The following PIK3CB variants were observed in gnomAD, a reference collection of about 807,000 sequenced individuals.
The protein encoded by PIK3CB is phosphatidylinositol-4,5-bisphosphate 3-kinase catalytic subunit beta, also known as phosphatidylinositol 4,5-bisphosphate 3-kinase catalytic subunit beta isoform.
Under a neutral mutation model 136.8 loss-of-function variants are expected in PIK3CB, and 39 were observed. That is an observed-to-expected ratio of 0.29 (90% CI 0.22 to 0.37). PIK3CB has a LOEUF of 0.37. Ranked by LOEUF, PIK3CB falls within the 10% of genes least tolerant of loss-of-function variation. The pLI is 1.00. For synonymous variants in PIK3CB, 428 were observed against 436.6 expected (o/e 0.98, Z 0.25); for missense variants, 868 against 1,275.4 (o/e 0.68, Z 4.87).
At chr3:138,803,778 A>G (rs2046201776) in intron 1 of PIK3CB, among the ~76,000 whole-genome samples, 1 of 152,112 alleles carries the variant, frequency 6.6e-6, no homozygotes, top group Admixed American at 6.6e-5. Flanking sequence ...CCATTCTCAA[A>G]CACAACATGA....
At chr3:138,759,693 T>C (rs2045635045) in intron 2 of PIK3CB, among the ~76,000 whole-genome samples, 2 of 152,046 alleles carry the variant, frequency 1.3e-5, no homozygotes, top group Non-Finnish European at 2.9e-5. Context: ...TTGATTCAAA[T>C]TCAACATAGA....
intron 8 of PIK3CB, among the ~76,000 whole-genome samples, chr3:138,728,908 G>A (rs1336537595): frequency 1.3e-5 from 2 of 152,038 alleles, no homozygotes; most frequent in Non-Finnish European, 2.9e-5. Context: ...TCTTGAATAA[G>A]GGGCATCTAT....
At chr3:138,755,619 A>T in intron 4 of PIK3CB, 135 bp downstream of exon 4, 1 of 518,702 alleles carries the variant, frequency 1.9e-6, no homozygotes, top group South Asian at 3.2e-5. Flanking sequence ...CCTTATCTCA[A>T]ACTGGCAACA....
intron 3 of PIK3CB, 31 bp downstream of exon 3, chr3:138,759,142 A>G (rs2045625650): frequency 1.4e-6 from 2 of 1,435,394 alleles, no homozygotes; most frequent in African/African-American, 2.8e-5. Flanking sequence ...ACAGTATGCT[A>G]AACACATAGA....
At chr3:138,790,573 A>G (rs1239596534) in intron 2 of PIK3CB, among the ~76,000 whole-genome samples, 1 of 150,954 alleles carries the variant, frequency 6.6e-6, no homozygotes, top group Non-Finnish European at 1.5e-5. Context: ...GGGAGGCCGA[A>G]GCGGGCAGAT....
chr3:138,714,461 T>A lies in PIK3CB; in HGVS notation c.1302+7A>T. 6.3e-7 allele frequency: 1 copy of A among 1,588,764 alleles called. No individual in the cohort carries two copies. Among genetic ancestry groups the A allele is most frequent in the Middle Eastern group, 1.7e-4 (1 of 5,848 alleles). On this transcript the variant is annotated splice_region_variant and intron_variant, in intron 9 of 23. Transcript: ENST00000674063. ...AAAACAATCCTCAGAAGTTGGTATA[T>A]CATTACCACTTTTCCAGCTTTCCTG...
intron 2 of PIK3CB, among the ~76,000 whole-genome samples, chr3:138,781,408 G>A (rs2045921790): frequency 6.6e-6 from 1 of 151,964 alleles, no homozygotes; most frequent in South Asian, 2.1e-4. Flanking sequence ...GAGCCCAGGA[G>A]TTTGAAGCCA....
In PIK3CB at chr3:138,701,708, C is replaced by A. The variant is rs765284532; in HGVS notation, c.1582-2613G>T. Among the ~76,000 whole-genome samples, 42 of 150,752 alleles carry A rather than the reference C, an allele frequency of 2.8e-4. No individual in the cohort carries two copies. In the South Asian group the frequency reaches 3.4e-3, roughly 12 times the overall value. The stretch of plus-strand genomic sequence containing the variant: ...GCTGAGGCAGGGGAATCGCTTGAAC[C>A]CGGGGTGGCAGAGACTGCAGTGAGC... On this transcript the variant is annotated intron_variant, in intron 12 of 23. Coordinates refer to ENST00000674063, the MANE Select transcript of PIK3CB (RefSeq NM_006219.3).
At chr3:138,729,471 C>T (rs966385677) in intron 8 of PIK3CB, among the ~76,000 whole-genome samples, 1 of 152,034 alleles carries the variant, frequency 6.6e-6, no homozygotes, top group African/African-American at 2.4e-5. Flanking sequence ...AGCAGATTGC[C>T]CTCCCTGATG....
chr3:138,669,405 T>A (rs361093), intron 19 of PIK3CB, among the ~76,000 whole-genome samples: 1 of 117,416 alleles, frequency 8.5e-6, no homozygotes, highest in Non-Finnish European at 1.7e-5. Context: ...GAGACCCTGT[T>A]TCAAAAAAAA....
chr3:138,793,605 C>CAA (rs764415808), intron 2 of PIK3CB, among the ~76,000 whole-genome samples: 6 of 95,384 alleles, frequency 6.3e-5, no homozygotes, highest in African/African-American at 1.5e-4. Flanking sequence ...GACTCTGGCT[C>CAA]AAAAAAAAAA....
chr3:138,809,815 A>G (rs1437328004), intron 1 of PIK3CB, among the ~76,000 whole-genome samples: 1 of 152,148 alleles, frequency 6.6e-6, no homozygotes, highest in Non-Finnish European at 1.5e-5. Flanking sequence ...TCCTTGTTCT[A>G]TCAGCTGAGA....
chr3:138,679,068 AAAAC>A (rs370325560), intron 19 of PIK3CB, among the ~76,000 whole-genome samples: 7 of 152,174 alleles, frequency 4.6e-5, no homozygotes, highest in East Asian at 1.9e-4. Context: ...TCTGACTCAA[AAAAC>A]AAACAAACAA....
intron 8 of PIK3CB, among the ~76,000 whole-genome samples, chr3:138,729,407 A>G (rs757496729): frequency 8.5e-5 from 13 of 152,174 alleles, no homozygotes; most frequent in Non-Finnish European, 1.6e-4. Flanking sequence ...TTGGTCAAAC[A>G]TTATTCTGGG....
rs767613338 is a variant in PIK3CB at position 138,655,387 on chromosome 3, C to G, written c.*2G>C. The G allele has an allele frequency of 2.3e-5, 37 of 1,613,630 alleles. No individual in the cohort carries two copies. Among genetic ancestry groups the G allele is most frequent in the Admixed American group, 1.7e-5 (1 of 59,942 alleles). Reference sequence around the variant, plus strand: ...AAATACATTAGGAGCGAAGGCTGATCGTTAAGATCTGTAGTCTTTCCGAAC... The same window carrying G: ...AAATACATTAGGAGCGAAGGCTGATGGTTAAGATCTGTAGTCTTTCCGAAC... On this transcript the variant is annotated 3_prime_UTR_variant, in exon 24 of 24. Coordinates refer to ENST00000674063, the MANE Select transcript of PIK3CB (RefSeq NM_006219.3).
At chr3:138,674,052 G>A (rs1373910915) in intron 19 of PIK3CB, among the ~76,000 whole-genome samples, 1 of 151,950 alleles carries the variant, frequency 6.6e-6, no homozygotes, top group Non-Finnish European at 1.5e-5. Flanking sequence ...AGCTGTCTTG[G>A]GGGTAAATAA....
intron 2 of PIK3CB, among the ~76,000 whole-genome samples, chr3:138,792,863 G>C (rs1195255959): frequency 1.3e-5 from 2 of 152,094 alleles, no homozygotes; most frequent in African/African-American, 4.8e-5. Flanking sequence ...CTGCAACCTT[G>C]AATTCCTGGG....
At chr3:138,677,580 TAA>T (rs2043674946) in intron 19 of PIK3CB, among the ~76,000 whole-genome samples, 1 of 152,234 alleles carries the variant, frequency 6.6e-6, no homozygotes, top group Non-Finnish European at 1.5e-5. Context: ...AGAAGAGGGC[TAA>T]GTTATGGATT....
At chr3:138,778,432 C>T in intron 2 of PIK3CB, 1 of 267,766 alleles carries the variant, frequency 3.7e-6, no homozygotes, top group South Asian at 3.5e-5. Context: ...TCCAGAACAT[C>T]ACTCCTGTAC....
Sources: allele counts gnomAD v4.1 joint callset (sites outside exome capture counted in the v4.1 genomes callset), GRCh38; gene constraint gnomAD v4.1.1; transcripts MANE v1.5; gene names NCBI Gene and HGNC (gene_info 2026-07-23, HGNC 2026-07-21).